The following GAB2 variants were observed in gnomAD, a reference collection of about 807,000 sequenced individuals.
GAB2 encodes GRB2-associated-binding protein 2.
A neutral mutation model predicts 65.5 loss-of-function variants in GAB2; 26 were observed. The ratio of observed to expected loss-of-function variants is 0.40; its 90% CI spans 0.29 to 0.55. The LOEUF (loss-of-function observed/expected upper bound fraction) is 0.55. Ranked by LOEUF, GAB2 falls within the 20% of genes least tolerant of loss-of-function variation. The pLI is 0.53. For synonymous variants in GAB2, 321 were observed against 329.6 expected, an observed-to-expected ratio of 0.97 and a Z score of 0.28; for missense variants, 884 against 875.8, an observed-to-expected ratio of 1.01 and a Z score of -0.12.
At chr11:78,261,498 A>T (rs1296195551) in intron 2 of GAB2, among the ~76,000 whole-genome samples, 1 of 152,150 alleles carries the variant, frequency 6.6e-6, no homozygotes, top group Non-Finnish European at 1.5e-5. Context: ...TGGGGATAGC[A>T]AGTCTATCTT....
intron 1 of GAB2, among the ~76,000 whole-genome samples, chr11:78,296,385 G>T (rs1467644781): frequency 6.6e-6 from 1 of 152,140 alleles, no homozygotes; most frequent in Non-Finnish European, 1.5e-5. Flanking sequence ...AATATTTGTT[G>T]ATTCAGTAAG....
At chr11:78,329,031 T>C (rs1855871485) in intron 1 of GAB2, among the ~76,000 whole-genome samples, 1 of 152,146 alleles carries the variant, frequency 6.6e-6, no homozygotes, top group Non-Finnish European at 1.5e-5. Context: ...TTAAATGCTA[T>C]AAAAAATAAG....
intron 1 of GAB2, among the ~76,000 whole-genome samples, chr11:78,383,221 G>C (rs192375584): frequency 6.6e-6 from 1 of 152,114 alleles, no homozygotes; most frequent in Non-Finnish European, 1.5e-5. Flanking sequence ...GCAGTGAGCT[G>C]AGACCATGCC....
At chr11:78,382,022 A>G (rs967130823) in intron 1 of GAB2, among the ~76,000 whole-genome samples, 5 of 152,230 alleles carry the variant, frequency 3.3e-5, no homozygotes, top group African/African-American at 1.2e-4. Flanking sequence ...GCGTGTCAGT[A>G]ACAAGTTTTA....
At position 78,222,535 on chromosome 11, in the gene GAB2, A is replaced by G. The variant is rs1341834244; in HGVS notation, c.1568-340T>C. 3.4e-5 allele frequency among the ~76,000 whole-genome samples: 5 copies of G among 148,186 alleles called. No individual in the cohort carries two copies. In the East Asian group the frequency reaches 5.8e-4, roughly 17 times the overall value. On this transcript the variant is annotated intron_variant, in intron 6 of 9. Transcript: ENST00000361507. The stretch of plus-strand genomic sequence containing the variant: ...GACTATATATAAAATATATTTATAT[A>G]TTAATATATTAATATTTATAAAAAT...
chr11:78,338,958 C>T (rs1030315370), intron 1 of GAB2, among the ~76,000 whole-genome samples: 4 of 152,024 alleles, frequency 2.6e-5, no homozygotes, highest in Non-Finnish European at 5.9e-5. Flanking sequence ...AATCTCACTC[C>T]GTTGCCCAGG....
intron 1 of GAB2, among the ~76,000 whole-genome samples, chr11:78,410,860 T>C (rs760376573): frequency 6.6e-6 from 1 of 152,150 alleles, no homozygotes; most frequent in Non-Finnish European, 1.5e-5. Flanking sequence ...CACCATCTCT[T>C]CCAGAAGGCT....
intron 1 of GAB2, among the ~76,000 whole-genome samples, chr11:78,363,768 T>C (rs533297092): frequency 2.0e-5 from 3 of 151,940 alleles, no homozygotes; most frequent in Non-Finnish European, 2.9e-5. Context: ...GTATTTTTTG[T>C]AGAGATGGGG....
chr11:78,373,238 C>CTTTTT (rs535640025), intron 1 of GAB2, among the ~76,000 whole-genome samples: 1 of 136,128 alleles, frequency 7.3e-6, no homozygotes, highest in African/African-American at 2.7e-5. Context: ...ATTATAATGA[C>CTTTTT]TTTTTTTTTT....
intron 1 of GAB2, among the ~76,000 whole-genome samples, chr11:78,416,490 CAG>C (rs1308703718): frequency 1.3e-5 from 2 of 152,234 alleles, no homozygotes; most frequent in African/African-American, 4.8e-5. Context: ...GTGCAGCTGA[CAG>C]AGGGCAGGGT....
At chr11:78,342,994 A>T (rs1245607281) in intron 1 of GAB2, among the ~76,000 whole-genome samples, 1 of 152,148 alleles carries the variant, frequency 6.6e-6, no homozygotes, top group Non-Finnish European at 1.5e-5. Context: ...TTTTCCACAG[A>T]AGCTGAGATA....
chr11:78,310,328 C>T (rs1855470253), intron 1 of GAB2, among the ~76,000 whole-genome samples: 2 of 148,544 alleles, frequency 1.3e-5, no homozygotes, highest in African/African-American at 5.0e-5. Context: ...CGGTGAAACC[C>T]CGTCTCTACT....
chr11:78,257,235 G>A (rs1213310480), intron 2 of GAB2, among the ~76,000 whole-genome samples: 1 of 152,166 alleles, frequency 6.6e-6, no homozygotes, highest in African/African-American at 2.4e-5. Context: ...AGGGGTGGTT[G>A]GCGGGAGTTT....
At chr11:78,393,622 T>C (rs1472838811) in intron 1 of GAB2, among the ~76,000 whole-genome samples, 1 of 152,228 alleles carries the variant, frequency 6.6e-6, no homozygotes, top group Admixed American at 6.5e-5. Context: ...AGACCCTCTT[T>C]TGCAGAAATT....
intron 1 of GAB2, among the ~76,000 whole-genome samples, chr11:78,353,816 C>T (rs558809831): frequency 1.3e-5 from 2 of 152,042 alleles, no homozygotes; most frequent in African/African-American, 2.4e-5. Flanking sequence ...CTGTATTGGA[C>T]AGTGCAGCTC....
intron 3 of GAB2, among the ~76,000 whole-genome samples, chr11:78,239,945 T>A (rs555451268): frequency 2.0e-5 from 3 of 152,198 alleles, no homozygotes; most frequent in Admixed American, 2.0e-4. Flanking sequence ...GGCTAAGCTG[T>A]GGCTGAGCCA....
chr11:78,359,123 A>T (rs1308543140), intron 1 of GAB2, among the ~76,000 whole-genome samples: 1 of 149,408 alleles, frequency 6.7e-6, no homozygotes, highest in African/African-American at 2.6e-5. Flanking sequence ...AGGGTCTAAC[A>T]TATATCTAAT....
chr11:78,307,342 C>T (rs913867127), intron 1 of GAB2, among the ~76,000 whole-genome samples: 8 of 151,758 alleles, frequency 5.3e-5, no homozygotes, highest in African/African-American at 1.9e-4. Flanking sequence ...TTAAGGTAAG[C>T]CTGAAAATTA....
At chr11:78,280,394 C>T in intron 2 of GAB2, 2 of 589,750 alleles carry the variant, frequency 3.4e-6, no homozygotes, top group Admixed American at 6.0e-5. Flanking sequence ...TTATCACAAC[C>T]CCAACACTTT....
Sources: allele counts gnomAD v4.1 joint callset (sites outside exome capture counted in the v4.1 genomes callset), GRCh38; gene constraint gnomAD v4.1.1; transcripts MANE v1.5; gene names NCBI Gene and HGNC (gene_info 2026-07-23, HGNC 2026-07-21).